FRMD4B: variants seen among roughly 807,000 people sequenced by gnomAD.
FRMD4B encodes FERM domain containing 4B.
A neutral mutation model predicts 141.5 loss-of-function variants in FRMD4B; 74 were observed. That is an observed-to-expected ratio of 0.52 (90% CI 0.43 to 0.63). The LOEUF (loss-of-function observed/expected upper bound fraction) is 0.63, where lower values mean the gene tolerates loss of function less well. FRMD4B is among the 30% of genes least tolerant of loss of function. The pLI, the probability that FRMD4B is intolerant of heterozygous loss-of-function variation, is 0.00. For missense variants in FRMD4B, 1,366 were observed against 1,253.4 expected (o/e 1.09, Z -1.36); for synonymous variants, 506 against 467.9 (o/e 1.08, Z -1.05).
Position 69,198,840 on chromosome 3 carries a change from T to A in FRMD4B, c.877-66A>T, listed in dbSNP as rs545814859. The A allele has an allele frequency of 6.0e-5, 47 of 782,402 alleles. No individual in the cohort carries two copies. In the African/African-American group the frequency reaches 7.4e-4, roughly 12 times the overall value. 48.5% of individuals were successfully genotyped at this position (782,402 alleles called of 1,614,324 possible). A position where few individuals can be genotyped will look rare whatever the true frequency, so the allele number is the denominator to read the frequency against. On this transcript the variant is annotated intron_variant, in intron 11 of 22. Coordinates refer to ENST00000398540, the MANE Select transcript of FRMD4B (RefSeq NM_015123.3). Reference sequence around the variant, plus strand: ...ATTTTTACTAATTCTATAAATCAGCTTAATAATCAAACAATTATAAGCTCC... The same window carrying A: ...ATTTTTACTAATTCTATAAATCAGCATAATAATCAAACAATTATAAGCTCC...
intron 1 of FRMD4B, among the ~76,000 whole-genome samples, chr3:69,461,588 C>CACTCCGCCCTGG (rs1383016234): frequency 1.5e-5 from 2 of 135,064 alleles, no homozygotes; most frequent in Non-Finnish European, 3.1e-5. Flanking sequence ...TGCATCACTG[C>CACTCCGCCCTGG]ACTCCGCCCT....
chr3:69,244,466 G>T (rs548265428), intron 7 of FRMD4B, among the ~76,000 whole-genome samples: 10 of 152,284 alleles, frequency 6.6e-5, no homozygotes, highest in Admixed American at 5.2e-4. Context: ...TTTGGTCAAT[G>T]TTTGTTTGTT....
intron 17 of FRMD4B, among the ~76,000 whole-genome samples, chr3:69,193,358 A>G (rs1205057476): frequency 1.3e-5 from 2 of 152,060 alleles, no homozygotes; most frequent in Admixed American, 1.3e-4. Flanking sequence ...AAAATACAAA[A>G]TTAGCTAGGT....
intron 5 of FRMD4B, among the ~76,000 whole-genome samples, chr3:69,250,689 A>G (rs1489581557): frequency 5.3e-5 from 8 of 151,154 alleles, no homozygotes; most frequent in East Asian, 1.9e-4. Flanking sequence ...CTGTTGATTT[A>G]TATTGAAGTT....
Position 69,198,735 on chromosome 3 carries a change from C to G in FRMD4B, c.916G>C (p.Glu306Gln), listed in dbSNP as rs184573837. ...WKQLENLYFR[E>Q]KKFAVEVHDP... is the part of the protein sequence containing the mutation. ...TGAACTTCAACAGCAAATTTTTTCT[C>G]ACGGAAATATAAGTTCTCCAGCTGT... The change falls in exon 12 of 23, where the codon GAG becomes CAG. Residue 306 changes from glutamate to glutamine, a missense_variant. Physicochemically the swap from Glu to Gln is conservative, Grantham distance 29 (BLOSUM62 2). Coordinates refer to ENST00000398540, the MANE Select transcript of FRMD4B (RefSeq NM_015123.3). The G allele has an allele frequency of 1.3e-6, 2 of 1,569,612 alleles. No homozygotes were observed. Among genetic ancestry groups the G allele is most frequent in the South Asian group, 2.3e-5 (2 of 86,188 alleles).
chr3:69,495,452 T>C (rs1332876164), intron 1 of FRMD4B, among the ~76,000 whole-genome samples: 1 of 152,222 alleles, frequency 6.6e-6, no homozygotes, highest in Non-Finnish European at 1.5e-5. Context: ...GTCTTGGAGC[T>C]TATGCTCTCT....
intron 1 of FRMD4B, among the ~76,000 whole-genome samples, chr3:69,507,387 TTGTG>T (rs142024418): frequency 1.3e-5 from 2 of 151,410 alleles, no homozygotes; most frequent in African/African-American, 4.8e-5. Context: ...ATGTGTAAGT[TTGTG>T]TGTGTGTGTG....
At chr3:69,207,307 T>TAAA (rs11389016) in intron 11 of FRMD4B, among the ~76,000 whole-genome samples, 198 of 136,912 alleles carry the variant, frequency 1.4e-3, no homozygotes, top group Non-Finnish European at 2.3e-3. Context: ...CCTATGTCTT[T>TAAA]AAAAAAAAAA....
At chr3:69,415,370 A>C (rs1316884514) in intron 2 of FRMD4B, among the ~76,000 whole-genome samples, 1 of 152,098 alleles carries the variant, frequency 6.6e-6, no homozygotes. Flanking sequence ...CCATGCCCCC[A>C]GTTCTTTCAT....
chr3:69,468,723 C>T (rs948186692), intron 1 of FRMD4B, among the ~76,000 whole-genome samples: 1 of 152,144 alleles, frequency 6.6e-6, no homozygotes, highest in Non-Finnish European at 1.5e-5. Context: ...GAAGCTATTA[C>T]CAAAGATGAC....
At chr3:69,386,168 A>G (rs1704249093), upstream of FRMD4B, 1 of 570,754 alleles carries the variant, frequency 1.8e-6, no homozygotes, top group Non-Finnish European at 3.0e-6. Flanking sequence ...ATGCCCTGGG[A>G]TTGGGTGCCC....
intron 9 of FRMD4B, among the ~76,000 whole-genome samples, chr3:69,218,936 G>T (rs868705038): frequency 9.2e-5 from 14 of 152,272 alleles, no homozygotes; most frequent in Middle Eastern, 6.8e-3. Flanking sequence ...GCCGAGGCGG[G>T]TGAATCACCT....
At chr3:69,464,301 G>C (rs1309835570) in intron 1 of FRMD4B, among the ~76,000 whole-genome samples, 1 of 152,180 alleles carries the variant, frequency 6.6e-6, no homozygotes, top group East Asian at 1.9e-4. Flanking sequence ...TAACAGGACA[G>C]AGGTATTTTT....
At chr3:69,343,085 C>T (rs1183566340) in intron 1 of FRMD4B, among the ~76,000 whole-genome samples, 1 of 143,994 alleles carries the variant, frequency 6.9e-6, no homozygotes, top group Non-Finnish European at 1.5e-5. Flanking sequence ...TCCCAAGTGG[C>T]TGGGACTGCA....
In FRMD4B at chr3:69,181,494, G is replaced by C. The variant is rs1413658685; in HGVS notation, c.2256C>G (p.Thr752=). The C allele has an allele frequency of 6.2e-7, 1 of 1,613,766 alleles. No homozygotes were observed. The highest frequency in any genetic ancestry group is 8.5e-7 in the Non-Finnish European group (1 of 1,179,686). Residue 752 remains threonine (T), a synonymous_variant, in exon 21 of 23, where the codon ACC becomes ACG. Transcript: ENST00000398540. The part of the protein sequence containing the change: ...CVTPVTGPYY[T]TQTLDTRTRG... ...TGGTGCGAGTGTCCAGGGTCTGGGT[G>C]GTGTAATAGGGGCCGGTAACTGGTG...
intron 1 of FRMD4B, among the ~76,000 whole-genome samples, chr3:69,354,574 G>T (rs1224180426): frequency 2.6e-5 from 4 of 152,164 alleles, no homozygotes; most frequent in African/African-American, 7.2e-5. Context: ...TCCCTCCTTT[G>T]TAAAATGGAG....
At chr3:69,342,329 T>A (rs1702767024) in intron 1 of FRMD4B, among the ~76,000 whole-genome samples, 1 of 152,226 alleles carries the variant, frequency 6.6e-6, no homozygotes, top group Non-Finnish European at 1.5e-5. Flanking sequence ...CAGAGTCAAG[T>A]GATCTCATGT....
At chr3:69,253,183 A>G (rs57834440) in intron 5 of FRMD4B, among the ~76,000 whole-genome samples, 1 of 129,892 alleles carries the variant, frequency 7.7e-6, no homozygotes, top group Non-Finnish European at 1.6e-5. Context: ...TATGATTCCT[A>G]TTTTTTTTTT....
chr3:69,239,194 A>G (rs1018760029), intron 7 of FRMD4B, among the ~76,000 whole-genome samples: 1 of 152,164 alleles, frequency 6.6e-6, no homozygotes, highest in Non-Finnish European at 1.5e-5. Context: ...TTCCAACATC[A>G]TGACTGATCC....
Sources: gnomAD v4.1 joint callset for allele counts (sites outside exome capture counted in the v4.1 genomes callset) on GRCh38, gnomAD v4.1.1 for gene constraint, MANE v1.5 for transcripts, NCBI Gene and HGNC (gene_info 2026-07-23, HGNC 2026-07-21) for gene names.